The following TBC1D22A variants were observed in gnomAD, a reference collection of about 807,000 sequenced individuals.
TBC1D22A encodes TBC1 domain family member 22A.
A neutral mutation model predicts 60.2 loss-of-function variants in TBC1D22A; 38 were observed. The observed-to-expected ratio is 0.63, with a 90% CI of 0.49 to 0.83. The LOEUF is 0.83. Among genes scored for constraint, TBC1D22A ranks in the 40% least tolerant of loss-of-function variants. The pLI is 0.00. For missense variants in TBC1D22A, 628 were observed against 701.0 expected (o/e 0.90, Z 1.18); for synonymous variants, 302 against 281.7 (o/e 1.07, Z -0.72).
chr22:46,785,407 TTTAAAACA>T (rs2084116704), intron 1 of TBC1D22A, among the ~76,000 whole-genome samples: 1 of 152,208 alleles, frequency 6.6e-6, no homozygotes, highest in South Asian at 2.1e-4. Flanking sequence ...CTGTATTGAC[TTTAAAACA>T]TTATAACATC....
rs760573679 is a variant in TBC1D22A, at chr22:46,891,283, T to C, written c.726T>C (p.Asn242=). 2.5e-6 allele frequency: 4 copies of C among 1,611,498 alleles called. No individual in the cohort carries two copies. The highest frequency in any genetic ancestry group is 2.2e-5 in the South Asian group (2 of 90,406). The stretch of plus-strand genomic sequence containing the variant: ...TCACCCAGGGTTACCTTCCCGCCAA[T>C]GTAGACCGGAGACCAGCCACTCTCC... The part of the protein sequence containing the change: ...WKLLSGYLPA[N]VDRRPATLQR... Residue 242 remains asparagine (N), a synonymous_variant, in exon 6 of 13, where the codon AAT becomes AAC. Coordinates refer to ENST00000337137, the MANE Select transcript of TBC1D22A (RefSeq NM_014346.5).
At chr22:47,029,246 G>A (rs986908166) in intron 10 of TBC1D22A, among the ~76,000 whole-genome samples, 7 of 149,598 alleles carry the variant, frequency 4.7e-5, no homozygotes, top group Admixed American at 1.3e-4. Flanking sequence ...GGGACACAGC[G>A]CTTCCATACC....
intron 12 of TBC1D22A, among the ~76,000 whole-genome samples, chr22:47,125,370 G>A (rs1238110450): frequency 1.3e-5 from 2 of 152,230 alleles, no homozygotes; most frequent in Non-Finnish European, 2.9e-5. Flanking sequence ...GGGGAGCAGG[G>A]AGGCCTGACA....
chr22:47,145,470 A>G (rs1569471599), intron 12 of TBC1D22A, among the ~76,000 whole-genome samples: 2 of 152,200 alleles, frequency 1.3e-5, no homozygotes, highest in Non-Finnish European at 2.9e-5. Flanking sequence ...AAATGCCCCA[A>G]CTGAGAATCA....
intron 11 of TBC1D22A, among the ~76,000 whole-genome samples, chr22:47,052,812 A>G (rs1006303242): frequency 5.9e-5 from 9 of 152,264 alleles, no homozygotes; most frequent in Middle Eastern, 3.4e-3. Flanking sequence ...ACTGCTCCCC[A>G]ATCAGTGACA....
At chr22:46,912,533 A>AGTCTGTTT (rs2070018929) in intron 8 of TBC1D22A, among the ~76,000 whole-genome samples, 12 of 152,068 alleles carry the variant, frequency 7.9e-5, no homozygotes, top group African/African-American at 2.9e-4. Context: ...TCAGTCAATC[A>AGTCTGTTT]GTCTGTCTGT....
intron 8 of TBC1D22A, among the ~76,000 whole-genome samples, chr22:46,932,174 A>G (rs910184808): frequency 6.6e-6 from 1 of 152,222 alleles, no homozygotes; most frequent in Non-Finnish European, 1.5e-5. Context: ...ACCGTGTCAG[A>G]CACTGCGCTA....
Position 46,777,809 on chromosome 22 carries a change from G to T in TBC1D22A, c.63-14711G>T, listed in dbSNP as rs1601822575. ...CGCTCCGAAAGTCATGCATCACTTA[G>T]CGACGGGGACGCCTTCTGAGACATG... On this transcript the variant is annotated intron_variant, in intron 1 of 12. Transcript: ENST00000337137. The surrounding 1 kb of genome is among the most constrained non-coding windows in gnomAD (Gnocchi z 4.5). 6.6e-6 allele frequency among the ~76,000 whole-genome samples: 1 copy of T among 152,224 alleles called. No homozygotes were observed. The highest frequency in any genetic ancestry group is 1.9e-4 in the East Asian group (1 of 5,200).
At chr22:46,926,830 A>G (rs963422952) in intron 8 of TBC1D22A, among the ~76,000 whole-genome samples, 1 of 152,234 alleles carries the variant, frequency 6.6e-6, no homozygotes, top group African/African-American at 2.4e-5. Flanking sequence ...AGCCAATTCC[A>G]TAAAATAAGT....
At chr22:47,065,446 G>A (rs895502206) in intron 11 of TBC1D22A, among the ~76,000 whole-genome samples, 1 of 152,192 alleles carries the variant, frequency 6.6e-6, no homozygotes, top group African/African-American at 2.4e-5. Context: ...TCTCCACGGG[G>A]CAGGGCTCAC....
chr22:46,912,239 G>A, intron 8 of TBC1D22A, 51 bp downstream of exon 8: 1 of 1,301,532 alleles, frequency 7.7e-7, no homozygotes, highest in Non-Finnish European at 1.1e-6. Flanking sequence ...CTTGCTGTGT[G>A]TTACTATGTA....
At chr22:47,097,610 C>CA (rs376444943) in intron 11 of TBC1D22A, among the ~76,000 whole-genome samples, 5,714 of 140,180 alleles carry the variant, frequency 0.041, 141 homozygotes, top group Non-Finnish European at 0.057. Flanking sequence ...GAGTCCATCT[C>CA]AAAAAAAAAA....
intron 4 of TBC1D22A, among the ~76,000 whole-genome samples, chr22:46,856,038 T>G (rs2087550709): frequency 6.6e-6 from 1 of 151,780 alleles, no homozygotes; most frequent in South Asian, 2.1e-4. Flanking sequence ...ACAGAGGGAG[T>G]CCCTCGGCAG....
At chr22:47,000,286 A>T (rs997722566) in intron 10 of TBC1D22A, among the ~76,000 whole-genome samples, 1 of 151,492 alleles carries the variant, frequency 6.6e-6, no homozygotes, top group Admixed American at 6.6e-5. Context: ...GAGGAGGGGG[A>T]GGTCTTGGGG....
intron 1 of TBC1D22A, chr22:46,764,351 A>G (rs963090511): frequency 6.6e-6 from 1 of 152,254 alleles, no homozygotes; most frequent in Non-Finnish European, 1.5e-5. Context: ...CAAATGCTGT[A>G]GAACATAAGA....
At chr22:46,767,935 G>A in intron 1 of TBC1D22A, 1 of 152,790 alleles carries the variant, frequency 6.5e-6, no homozygotes, top group Admixed American at 6.5e-5. Flanking sequence ...TGAAGACATG[G>A]ACTGTTCTTT....
At chr22:47,018,672 G>C (rs545943700) in intron 10 of TBC1D22A, among the ~76,000 whole-genome samples, 2 of 152,130 alleles carry the variant, frequency 1.3e-5, no homozygotes, top group African/African-American at 4.8e-5. Flanking sequence ...CTAAAGATGC[G>C]TGAGCTGGGA....
chr22:46,792,966 C>T (rs535697569), intron 2 of TBC1D22A, among the ~76,000 whole-genome samples: 2 of 152,372 alleles, frequency 1.3e-5, no homozygotes, highest in East Asian at 1.9e-4. Context: ...CCACAGCAGG[C>T]GGGAGCGCAG....
At chr22:47,112,997 TGGGGC>T (rs2037251775) in intron 12 of TBC1D22A, among the ~76,000 whole-genome samples, 1 of 152,196 alleles carries the variant, frequency 6.6e-6, no homozygotes, top group African/African-American at 2.4e-5. Flanking sequence ...ATGGAATGAA[TGGGGC>T]CTAGACTGCG....
Sources: gnomAD v4.1 joint callset for allele counts (sites outside exome capture counted in the v4.1 genomes callset) on GRCh38, gnomAD v4.1.1 for gene constraint, Gnocchi (gnomAD v3.1) non-coding constraint, MANE v1.5 for transcripts, NCBI Gene and HGNC (gene_info 2026-07-23, HGNC 2026-07-21) for gene names.